The following OR51B5 variants were observed in gnomAD, a reference collection of about 807,000 sequenced individuals.
OR51B5 encodes olfactory receptor family 51 subfamily B member 5.
For missense variants in OR51B5, 456 were observed against 374.6 expected (o/e 1.22, Z -1.79); for synonymous variants, 186 against 144.8 (o/e 1.28, Z -2.04).
chr11:5,487,419 G>A (rs765694015), intron 1 of OR51B5, among the ~76,000 whole-genome samples: 1 of 152,072 alleles, frequency 6.6e-6, no homozygotes, highest in Non-Finnish European at 1.5e-5. Flanking sequence ...CCACAAAAAG[G>A]CTTTGGAATT....
At chr11:5,488,896 C>T in intron 1 of OR51B5, 5 of 1,614,062 alleles carry the variant, frequency 3.1e-6, no homozygotes, top group Non-Finnish European at 3.4e-6. Context: ...ACCTATGTAC[C>T]TCTTCCTCTG....
At chr11:5,407,541 C>A (rs2133747223) in intron 1 of OR51B5, among the ~76,000 whole-genome samples, 2 of 152,242 alleles carry the variant, frequency 1.3e-5, no homozygotes, top group East Asian at 3.9e-4. Flanking sequence ...TTCTCACCCG[C>A]TTTTGATTTC....
chr11:5,409,209 C>G (rs987310698), intron 1 of OR51B5, among the ~76,000 whole-genome samples: 8 of 152,112 alleles, frequency 5.3e-5, no homozygotes, highest in Non-Finnish European at 1.2e-4. Flanking sequence ...AGGTTGCCCT[C>G]TCAGATTCTG....
At chr11:5,379,137 AATG>A (rs2133716022) in intron 1 of OR51B5, among the ~76,000 whole-genome samples, 1 of 152,112 alleles carries the variant, frequency 6.6e-6, no homozygotes, top group Admixed American at 6.5e-5. Context: ...CAGCCATAAA[AATG>A]ATGAGTTCAT....
chr11:5,454,164 A>G (rs1850911605), intron 1 of OR51B5: 1 of 1,613,872 alleles, frequency 6.2e-7, no homozygotes, highest in African/African-American at 1.3e-5. Flanking sequence ...GCGTTCTGTC[A>G]TGGCCACTGC....
At chr11:5,442,443 CT>C (rs1564815165) in intron 1 of OR51B5, among the ~76,000 whole-genome samples, 1 of 152,098 alleles carries the variant, frequency 6.6e-6, no homozygotes, top group African/African-American at 2.4e-5. Flanking sequence ...CCTTCAGAGC[CT>C]TTTTCACTAA....
chr11:5,505,478 A>G, intron 1 of OR51B5: 1 of 1,296,470 alleles, frequency 7.7e-7, no homozygotes, highest in Non-Finnish European at 1.0e-6. Context: ...GTGAGGGGAA[A>G]CTGAAGCTGT....
intron 1 of OR51B5, among the ~76,000 whole-genome samples, chr11:5,365,681 C>A (rs7113565): frequency 0.27 from 40,810 of 151,984 alleles, 5,746 homozygotes; most frequent in African/African-American, 0.32. Context: ...TGAGAAACAT[C>A]CCTGATTTTA....
intron 1 of OR51B5, among the ~76,000 whole-genome samples, chr11:5,488,110 T>C (rs1047366646): frequency 6.6e-6 from 1 of 152,192 alleles, no homozygotes; most frequent in Non-Finnish European, 1.5e-5. Context: ...GTTGTCAAAA[T>C]GTCTAGGTAC....
At chr11:5,496,429 T>C (rs538052040) in intron 1 of OR51B5, among the ~76,000 whole-genome samples, 1 of 4,568 alleles carries the variant, frequency 2.2e-4, no homozygotes, top group Non-Finnish European at 4.8e-4. Context: ...CGCTCATGGT[T>C]TAATTGCCTA....
At chr11:5,412,383 T>C (rs1229128714) in intron 1 of OR51B5, among the ~76,000 whole-genome samples, 3 of 152,174 alleles carry the variant, frequency 2.0e-5, no homozygotes, top group Non-Finnish European at 4.4e-5. Flanking sequence ...GGGTGATTTC[T>C]GCATTTCCAT....
chr11:5,348,994 G>A (rs545466162), intron 1 of OR51B5, among the ~76,000 whole-genome samples: 1 of 152,286 alleles, frequency 6.6e-6, no homozygotes, highest in East Asian at 1.9e-4. Flanking sequence ...GTTAACATCT[G>A]AATGGGCTCC....
chr11:5,480,087 A>T, intron 1 of OR51B5, among the ~76,000 whole-genome samples: 1 of 152,172 alleles, frequency 6.6e-6, no homozygotes, highest in East Asian at 1.9e-4. Context: ...CCTATTCCAA[A>T]ATTGACCACG....
intron 1 of OR51B5, among the ~76,000 whole-genome samples, chr11:5,439,107 T>TCA (rs1850635724): frequency 6.6e-6 from 1 of 152,060 alleles, no homozygotes; most frequent in South Asian, 2.1e-4. Context: ...GTCCTCTCTC[T>TCA]CTCTCTCTCT....
chr11:5,358,818 G>C (rs1341056949), intron 1 of OR51B5, among the ~76,000 whole-genome samples: 1 of 152,130 alleles, frequency 6.6e-6, no homozygotes, highest in Non-Finnish European at 1.5e-5. Flanking sequence ...CTTCATCCCT[G>C]GGATGCAAGG....
At chr11:5,436,274 A>T (rs1344696499) in intron 1 of OR51B5, among the ~76,000 whole-genome samples, 2 of 152,192 alleles carry the variant, frequency 1.3e-5, no homozygotes, top group Non-Finnish European at 2.9e-5. Context: ...TTCATGTAAG[A>T]AACACTTTTC....
intron 1 of OR51B5, chr11:5,455,650 C>T (rs1454720187): frequency 1.3e-5 from 2 of 149,592 alleles, no homozygotes; most frequent in African/African-American, 5.1e-5. Flanking sequence ...ACTAGGTAGT[C>T]TAACTTAACT....
Position 5,401,733 on chromosome 11 carries a change from T to A in OR51B5, n.85-54823A>T, listed in dbSNP as rs1564800980. On this transcript the variant is annotated intron_variant and non_coding_transcript_variant, in intron 1 of 4. Transcript: ENST00000415970. ...CCCAGCAGCTTTTTAGGGCCAGACA[T>A]CTCCACACCAACTCAAGGCAGTCAT... Among the ~76,000 whole-genome samples, 6 of 151,508 alleles carry A rather than the reference T, an allele frequency of 4.0e-5. No homozygotes were observed. In the South Asian group the frequency reaches 1.3e-3, roughly 32 times the overall value.
At chr11:5,425,021 A>G (rs1357525460) in intron 1 of OR51B5, among the ~76,000 whole-genome samples, 1 of 143,418 alleles carries the variant, frequency 7.0e-6, no homozygotes, top group Non-Finnish European at 1.5e-5. Flanking sequence ...GAAAGCAAAT[A>G]CCAAAGGAAT....
Sources: gnomAD v4.1 joint callset for allele counts (sites outside exome capture counted in the v4.1 genomes callset) on GRCh38, gnomAD v4.1.1 for gene constraint, MANE v1.5 for transcripts, NCBI Gene and HGNC (gene_info 2026-07-23, HGNC 2026-07-21) for gene names.